Variants in PPFIBP2 observed in about 807,000 individuals in gnomAD.
PPFIBP2 encodes PPFIB scaffold protein 2.
Under a neutral mutation model 118.3 loss-of-function variants are expected in PPFIBP2, and 118 were observed. That is an observed-to-expected ratio of 1.00 (90% CI 0.86 to 1.16). The LOEUF (loss-of-function observed/expected upper bound fraction) is 1.16, where lower values mean the gene tolerates loss of function less well. PPFIBP2 is among the 50% of genes most tolerant of loss of function. The probability of loss-of-function intolerance (pLI) is 0.00; values close to 1 mark genes in which losing one functional copy is unlikely to be tolerated. For synonymous variants in PPFIBP2, 414 were observed against 397.4 expected (o/e 1.04, Z -0.50); for missense variants, 1,195 against 1,073.1 (o/e 1.11, Z -1.59).
At chr11:7,530,613 G>A (rs754510580) in intron 1 of PPFIBP2, among the ~76,000 whole-genome samples, 1 of 152,210 alleles carries the variant, frequency 6.6e-6, no homozygotes, top group Non-Finnish European at 1.5e-5. Flanking sequence ...CTCTGCTGGT[G>A]CCTTGATCCT....
intron 8 of PPFIBP2, among the ~76,000 whole-genome samples, chr11:7,627,788 A>G (rs1340119266): frequency 1.3e-5 from 2 of 152,252 alleles, no homozygotes; most frequent in Non-Finnish European, 2.9e-5. Flanking sequence ...TTTTGACTAT[A>G]TCATTTTAAA....
rs887841158 is a variant in PPFIBP2 at position 7,617,184 on chromosome 11, C to G, written c.619-3751C>G. Reference sequence around the variant, plus strand: ...GCAGCTGGACATCCACAGGCAGATTCAAGAGCGCCTGTTACTCAGTAGGGA... The same window carrying G: ...GCAGCTGGACATCCACAGGCAGATTGAAGAGCGCCTGTTACTCAGTAGGGA... On this transcript the variant is annotated intron_variant, in intron 6 of 23. Coordinates refer to ENST00000299492, the MANE Select transcript of PPFIBP2 (RefSeq NM_003621.5). The G allele has an allele frequency of 1.4e-5, 14 of 985,090 alleles. No individual in the cohort carries two copies. In the African/African-American group the frequency reaches 2.4e-4, roughly 17 times the overall value. The allele number at this position is 985,090 out of a possible 1,614,324, so 61.0% of individuals were successfully genotyped here.
intron 3 of PPFIBP2, among the ~76,000 whole-genome samples, chr11:7,570,538 A>C (rs1855546964): frequency 6.6e-6 from 1 of 152,218 alleles, no homozygotes; most frequent in South Asian, 2.1e-4. Context: ...AAGGCAAGTC[A>C]AGGAAGAGCT....
chr11:7,583,616 C>A (rs1857596432), intron 3 of PPFIBP2, among the ~76,000 whole-genome samples: 1 of 152,110 alleles, frequency 6.6e-6, no homozygotes, highest in Non-Finnish European at 1.5e-5. Context: ...TTTATGTGTC[C>A]AGCTACCAGA....
At chr11:7,566,276 T>A (rs1424847090) in intron 3 of PPFIBP2, among the ~76,000 whole-genome samples, 1 of 152,222 alleles carries the variant, frequency 6.6e-6, no homozygotes, top group Admixed American at 6.5e-5. Flanking sequence ...TTTATTCGTA[T>A]TCCTCTGTAT....
At chr11:7,556,174 G>T (rs1475733985) in intron 2 of PPFIBP2, among the ~76,000 whole-genome samples, 2 of 152,154 alleles carry the variant, frequency 1.3e-5, no homozygotes, top group East Asian at 1.9e-4. Context: ...TTTATAAGAC[G>T]GCCAGGTGCA....
At chr11:7,594,446 G>A (rs1215438742) in intron 4 of PPFIBP2, among the ~76,000 whole-genome samples, 1 of 152,238 alleles carries the variant, frequency 6.6e-6, no homozygotes, top group Non-Finnish European at 1.5e-5. Flanking sequence ...AGCAGTGAAA[G>A]AAGCAGACTA....
intron 3 of PPFIBP2, chr11:7,577,703 G>A: frequency 2.2e-6 from 1 of 454,910 alleles, no homozygotes; most frequent in Middle Eastern, 3.3e-4. Flanking sequence ...GCTTTGGGGT[G>A]TTTTGGGGTG....
At chr11:7,663,307 G>C in the PPFIBP2 span, among the ~76,000 whole-genome samples, 1 of 149,760 alleles carries the variant, frequency 6.7e-6, no homozygotes, top group Non-Finnish European at 1.5e-5. Flanking sequence ...TGATGATGGT[G>C]ATGTACAGAT....
intron 1 of PPFIBP2, among the ~76,000 whole-genome samples, chr11:7,529,115 C>G (rs1398100152): frequency 6.6e-6 from 1 of 151,928 alleles, no homozygotes; most frequent in Admixed American, 6.6e-5. Context: ...GGGGGAGCAT[C>G]TGGGCTGCAG....
At chr11:7,528,957 C>T (rs1003473135) in intron 1 of PPFIBP2, among the ~76,000 whole-genome samples, 11 of 152,176 alleles carry the variant, frequency 7.2e-5, no homozygotes, top group Admixed American at 2.0e-4. Flanking sequence ...CTGGTGGCCA[C>T]GCCTTGCTTC....
rs76024639 is a variant in PPFIBP2, at chr11:7,565,668, C to G, written c.180C>G (p.Ala60=). The change falls in exon 3 of 24, where the codon GCC becomes GCG. Residue 60 remains alanine (A), a synonymous_variant. Transcript: ENST00000299492. ...VLHLIEDLRL[A]LEMLELPQER... is the part of the protein sequence containing the mutation. ...ATCTCATCGAGGACTTGAGGCTGGC[C>G]TTGGAGATGCTGGAGCTTCCTCAGG... 5 of 1,614,094 alleles carry G rather than the reference C, an allele frequency of 3.1e-6. No individual in the cohort carries two copies. The highest frequency in any genetic ancestry group is 4.2e-6 in the Non-Finnish European group (5 of 1,180,022).
At chr11:7,543,737 G>A (rs563754307) in intron 1 of PPFIBP2, among the ~76,000 whole-genome samples, 12 of 152,310 alleles carry the variant, frequency 7.9e-5, no homozygotes, top group African/African-American at 1.9e-4. Context: ...AGTGGTTGCT[G>A]CCTACTTCAA....
Position 7,546,170 on chromosome 11 carries a change from C to T in PPFIBP2, c.-36-3270C>T, listed in dbSNP as rs1852312097. On this transcript the variant is annotated intron_variant, in intron 1 of 23. Coordinates refer to ENST00000299492, the MANE Select transcript of PPFIBP2 (RefSeq NM_003621.5). ...GCTGCTTCTGTGTTGTCAGAAACTACACATCAGCTCCTAGGATTCTTATGA... is the reference window on the plus strand; with the variant it reads ...GCTGCTTCTGTGTTGTCAGAAACTATACATCAGCTCCTAGGATTCTTATGA... 2.0e-5 allele frequency among the ~76,000 whole-genome samples: 3 copies of T among 152,200 alleles called. No homozygotes were observed. In the South Asian group the frequency reaches 6.2e-4, roughly 32 times the overall value.
At chr11:7,527,163 G>T (rs187323563) in intron 1 of PPFIBP2, among the ~76,000 whole-genome samples, 13 of 151,928 alleles carry the variant, frequency 8.6e-5, no homozygotes, top group Non-Finnish European at 1.6e-4. Context: ...AGTGAGCAAG[G>T]TTCCATCCCT....
intron 3 of PPFIBP2, 94 bp downstream of exon 3, chr11:7,565,861 G>A: frequency 7.4e-7 from 1 of 1,349,844 alleles, no homozygotes; most frequent in Non-Finnish European, 1.0e-6. Context: ...TGAGTCATCT[G>A]TATACCTTCC....
Position 7,606,571 on chromosome 11 carries a change from A to G in PPFIBP2, c.487-3720A>G, listed in dbSNP as rs1847367126. ...AAATGTTCTGTTATTAGTGAACTAT[A>G]TGAAATTAAGCAACCTCAGGTTTCT... On this transcript the variant is annotated intron_variant, in intron 5 of 23. Transcript: ENST00000299492. Among the ~76,000 whole-genome samples the G allele has an allele frequency of 5.3e-5, 8 of 152,358 alleles. No individual in the cohort carries two copies. The South Asian group carries it at 1.7e-3, about 32-fold the overall frequency.
chr11:7,607,961 A>AT (rs2135458793), intron 5 of PPFIBP2, among the ~76,000 whole-genome samples: 1 of 152,334 alleles, frequency 6.6e-6, no homozygotes, highest in East Asian at 1.9e-4. Context: ...ATGAGGTAAT[A>AT]AAGAAAGAGA....
intron 1 of PPFIBP2, among the ~76,000 whole-genome samples, chr11:7,537,939 T>C (rs990414655): frequency 8.4e-6 from 1 of 118,742 alleles, no homozygotes; most frequent in South Asian, 2.5e-4. Context: ...TTGTGGCTGG[T>C]TTACCCTAAT....
Sources: gnomAD v4.1 joint callset for allele counts (sites outside exome capture counted in the v4.1 genomes callset) on GRCh38, gnomAD v4.1.1 for gene constraint, MANE v1.5 for transcripts, NCBI Gene and HGNC (gene_info 2026-07-23, HGNC 2026-07-21) for gene names.